The following TCF25 variants were observed in gnomAD, a reference collection of about 807,000 sequenced individuals.
The protein encoded by TCF25 is TCF25 ribosome quality control complex subunit.
TCF25 carries 41 observed loss-of-function variants against 83.1 expected under a neutral mutation model. The ratio of observed to expected loss-of-function variants is 0.49; its 90% CI spans 0.38 to 0.64. TCF25 has a LOEUF of 0.64. Ranked by LOEUF, TCF25 falls within the 30% of genes least tolerant of loss-of-function variation. The pLI, the probability that TCF25 is intolerant of heterozygous loss-of-function variation, is 0.00. For synonymous variants in TCF25, 458 were observed against 365.0 expected (o/e 1.25, Z -2.90); for missense variants, 979 against 914.5 (o/e 1.07, Z -0.91).
chr16:89,911,066 T>TCC lies in TCF25; in HGVS notation c.1873-11_1873-10dup. On this transcript the variant is annotated splice_polypyrimidine_tract_variant and intron_variant, in intron 17 of 17. Coordinates refer to ENST00000263346, the MANE Select transcript of TCF25 (RefSeq NM_014972.3). ...ACAGACAGCCCCCTTCTCAGACATG[T>TCC]CCCCTTGCTGCAGGGGGAGAGGCCC... 6.2e-7 allele frequency: 1 copy of TCC among 1,610,354 alleles called. No homozygotes were observed. The highest frequency in any genetic ancestry group is 8.5e-7 in the Non-Finnish European group (1 of 1,179,566).
intron 6 of TCF25, among the ~76,000 whole-genome samples, chr16:89,893,050 C>T (rs1174716091): frequency 6.6e-6 from 1 of 152,236 alleles, no homozygotes; most frequent in Non-Finnish European, 1.5e-5. Flanking sequence ...ACGGCCCCTT[C>T]CCTTCCTGGC....
Position 89,883,621 on chromosome 16 carries a change from C to G in TCF25, c.354+109C>G, listed in dbSNP as rs917336113. On this transcript the variant is annotated intron_variant, in intron 2 of 17. Transcript: ENST00000263346. ...CCTTGGAGGTGTAATTTTCCGAGTT[C>G]CATTTTGGTTACCTGCTAGTTGCCC... 2.9e-6 allele frequency: 4 copies of G among 1,359,350 alleles called. No individual in the cohort carries two copies. The African/African-American group carries it at 5.9e-5, about 20-fold the overall frequency. 84.2% of individuals were successfully genotyped at this position (1,359,350 alleles called of 1,614,324 possible).
At position 89,873,596 on chromosome 16, in the gene TCF25, G is replaced by C. The variant is rs1050443521; in HGVS notation, c.-72G>C. On this transcript the variant is annotated 5_prime_UTR_variant, in exon 1 of 18. Transcript: ENST00000263346. ...GCCCCCGACCCCGCGCGAAGAGTGC[G>C]CAGGCGCGCCGACAGCCGAGTTTTC... is the stretch of plus-strand genomic sequence containing the variant. 1.2e-5 allele frequency: 17 copies of C among 1,385,526 alleles called. No individual in the cohort carries two copies. The highest frequency in any genetic ancestry group is 1.6e-5 in the Non-Finnish European group (17 of 1,064,396). The allele number at this position is 1,385,526 out of a possible 1,614,324, so 85.8% of individuals were successfully genotyped here. A position where few individuals can be genotyped will look rare whatever the true frequency, so the allele number is the denominator to read the frequency against.
At chr16:89,897,159 G>A (rs1429858321) in intron 9 of TCF25, among the ~76,000 whole-genome samples, 1 of 152,236 alleles carries the variant, frequency 6.6e-6, no homozygotes, top group Admixed American at 6.5e-5. Flanking sequence ...AGCTTTGGAA[G>A]GCTTTGCAGG....
At chr16:89,877,530 A>G (rs2143916290) in intron 1 of TCF25, among the ~76,000 whole-genome samples, 1 of 152,338 alleles carries the variant, frequency 6.6e-6, no homozygotes, top group Admixed American at 6.5e-5. Context: ...ATCATCGTAA[A>G]TTTTAAATTA....
At chr16:89,897,328 C>T (rs959442714) in intron 9 of TCF25, among the ~76,000 whole-genome samples, 2 of 152,264 alleles carry the variant, frequency 1.3e-5, no homozygotes, top group Admixed American at 6.5e-5. Context: ...CTGGCTTCCG[C>T]CAGGCCTTCC....
intron 16 of TCF25, among the ~76,000 whole-genome samples, chr16:89,908,672 C>T (rs187341150): frequency 8.2e-5 from 9 of 109,948 alleles, no homozygotes; most frequent in Non-Finnish European, 1.4e-4. Flanking sequence ...CTCCCACCTC[C>T]CTCCTCCCAG....
At position 89,900,782 on chromosome 16, in the gene TCF25, A is replaced by G. The variant is rs2144207537; in HGVS notation, c.1369A>G (p.Met457Val). ...TCTCCTGATACAGCAGGCGCTCACCATGTTCCCTGGAGGTGAGTGAGCGCT... is the reference window on the plus strand; with the variant it reads ...TCTCCTGATACAGCAGGCGCTCACCGTGTTCCCTGGAGGTGAGTGAGCGCT... ...ASLLIQQALT[M>V]FPGVLLPLLE... The change falls in exon 12 of 18, where the codon ATG becomes GTG. Residue 457 changes from methionine (M) to valine (V), a missense_variant. Coordinates refer to ENST00000263346, the MANE Select transcript of TCF25 (RefSeq NM_014972.3). The G allele has an allele frequency of 6.3e-7, 1 of 1,579,310 alleles. No homozygotes were observed. Among genetic ancestry groups the G allele is most frequent in the Admixed American group, 1.7e-5 (1 of 59,510 alleles).
intron 16 of TCF25, 169 bp from the exon 17 acceptor site, chr16:89,910,422 G>C (rs372429638): frequency 4.5e-6 from 3 of 659,522 alleles, no homozygotes; most frequent in Non-Finnish European, 7.9e-6. Context: ...GAAGCCTCAC[G>C]GGCCACCCGG....
chr16:89,900,144 C>T (rs1202835836), intron 11 of TCF25, among the ~76,000 whole-genome samples: 1 of 152,112 alleles, frequency 6.6e-6, no homozygotes, highest in Non-Finnish European at 1.5e-5. Context: ...GAAAAAAATG[C>T]AGTGAGTCAC....
In TCF25 at chr16:89,883,515, G is replaced by A. The variant is rs538335356; in HGVS notation, c.354+3G>A. ...CCGAGACAGTGCCCTCAGAGCAGGT[G>A]GGGGGCTGAGTGGTGAGGAGGTGGC... On this transcript the variant is annotated splice_donor_region_variant and intron_variant, in intron 2 of 17. Transcript: ENST00000263346. 6.3e-7 allele frequency: 1 copy of A among 1,595,770 alleles called. No homozygotes were observed. Among genetic ancestry groups the A allele is most frequent in the East Asian group, 2.3e-5 (1 of 44,138 alleles).
intron 12 of TCF25, 133 bp downstream of exon 12, chr16:89,900,927 T>A: frequency 9.6e-7 from 1 of 1,042,698 alleles, no homozygotes; most frequent in Non-Finnish European, 1.3e-6. Flanking sequence ...TGGTAGGGCC[T>A]GCAAACCTGC....
At position 89,893,803 on chromosome 16, in the gene TCF25, A is replaced by G; in HGVS notation, c.773A>G (p.Gln258Arg). Residue 258 changes from glutamine to arginine, a missense_variant, in exon 7 of 18, where the codon CAG becomes CGG. Gln to Arg is a conservative substitution (Grantham distance 43, BLOSUM62 1). Coordinates refer to ENST00000263346, the MANE Select transcript of TCF25 (RefSeq NM_014972.3). ...TTTGAGCACAGTGAGGAGTACCAGC[A>G]GGCTCAGCACAAGTTCCTGGTGGCC... ...FAFEHSEEYQQAQHKFLVAVE... is the reference protein window; with the variant it reads ...FAFEHSEEYQRAQHKFLVAVE... 1 of 1,612,948 alleles carries G rather than the reference A, an allele frequency of 6.2e-7. No homozygotes were observed. Among genetic ancestry groups the G allele is most frequent in the African/African-American group, 1.3e-5 (1 of 75,010 alleles).
At chr16:89,893,625 T>C in intron 6 of TCF25, 103 bp from the exon 7 acceptor site, 2 of 1,570,196 alleles carry the variant, frequency 1.3e-6, no homozygotes, top group South Asian at 1.2e-5. Flanking sequence ...TTTGTCGATA[T>C]CGCAGAGGCC....
chr16:89,904,966 AACCTGT>A lies in TCF25; in HGVS notation c.1503_1508del (p.Tyr502_Leu503del). The A allele has an allele frequency of 6.2e-7, 1 of 1,608,510 alleles. No individual in the cohort carries two copies. The highest frequency in any genetic ancestry group is 2.2e-5 in the East Asian group (1 of 44,614). On this transcript the variant is annotated inframe_deletion, in exon 14 of 18. Transcript: ENST00000263346. ...GCCCCCTGCCCTGAGCCAGCTGGTG[AACCTGT>A]ACCTTGGGAGGTCACACTTTCTCTG...
intron 16 of TCF25, chr16:89,909,745 G>C (rs1238970334): frequency 6.6e-6 from 1 of 152,368 alleles, no homozygotes; most frequent in Non-Finnish European, 1.5e-5. Flanking sequence ...CTGAGACGGA[G>C]AGGATGAATG....
intron 14 of TCF25, 64 bp downstream of exon 14, chr16:89,905,160 G>T: frequency 6.8e-7 from 1 of 1,479,232 alleles, no homozygotes; most frequent in East Asian, 2.4e-5. Context: ...TCCCAGACAC[G>T]GGGGCCTCGC....
chr16:89,889,693 G>T (rs1265033083), intron 5 of TCF25: 1 of 154,280 alleles, frequency 6.5e-6, no homozygotes, highest in African/African-American at 2.4e-5. Context: ...TGGGATTACA[G>T]GCATGTGCCA....
At chr16:89,910,206 A>T (rs925550376) in intron 16 of TCF25, 1 of 255,830 alleles carries the variant, frequency 3.9e-6, no homozygotes, top group African/African-American at 2.2e-5. Context: ...TCTCCGCTTA[A>T]CGCAGGCCCT....
Sources: gnomAD v4.1 joint callset for allele counts (sites outside exome capture counted in the v4.1 genomes callset) on GRCh38, gnomAD v4.1.1 for gene constraint, MANE v1.5 for transcripts, NCBI Gene and HGNC (gene_info 2026-07-23, HGNC 2026-07-21) for gene names.